The following CACNA1I variants were observed in gnomAD, a reference collection of about 807,000 sequenced individuals.
CACNA1I encodes calcium voltage-gated channel subunit alpha1 I.
CACNA1I carries 74 observed loss-of-function variants against 201.6 expected under a neutral mutation model. The ratio of observed to expected loss-of-function variants is 0.37; its 90% CI spans 0.30 to 0.45. CACNA1I has a LOEUF of 0.45. CACNA1I is among the 20% of genes least tolerant of loss of function. CACNA1I has a pLI of 1.00. For synonymous variants in CACNA1I, 1,431 were observed against 1,345.2 expected, an observed-to-expected ratio of 1.06 and a Z score of -1.40; for missense variants, 2,346 against 3,138.1, an observed-to-expected ratio of 0.75 and a Z score of 6.03.
chr22:39,611,694 A>G (rs901088715), intron 3 of CACNA1I, among the ~76,000 whole-genome samples: 5 of 152,188 alleles, frequency 3.3e-5, no homozygotes, highest in African/African-American at 1.2e-4. Context: ...GGAAGCTTCT[A>G]TTTATCTGGC....
Position 39,660,057 on chromosome 22 carries a change from C to G in CACNA1I, c.2604+205C>G, listed in dbSNP as rs35804062. Reference sequence around the variant, plus strand: ...ACTGCGTCTGCCATCCCTGCTCCCCCCCAGGGATGTAGGACTAGGCTTCTC... The same window carrying G: ...ACTGCGTCTGCCATCCCTGCTCCCCGCCAGGGATGTAGGACTAGGCTTCTC... On this transcript the variant is annotated intron_variant, in intron 14 of 36. Transcript: ENST00000402142. Among the ~76,000 whole-genome samples the G allele has an allele frequency of 8.3e-4, 127 of 152,278 alleles. 1 individual carries two copies. The South Asian group carries it at 8.9e-3, about 11-fold the overall frequency.
chr22:39,627,346 G>C (rs895317269), intron 4 of CACNA1I, among the ~76,000 whole-genome samples: 2 of 152,224 alleles, frequency 1.3e-5, no homozygotes, highest in Non-Finnish European at 2.9e-5. Flanking sequence ...CGAGGCAGGC[G>C]GGGGGCCAGG....
chr22:39,599,251 G>A (rs913170799), intron 2 of CACNA1I, among the ~76,000 whole-genome samples: 1 of 149,352 alleles, frequency 6.7e-6, no homozygotes, highest in Admixed American at 6.6e-5. Flanking sequence ...CCCAGCCTCT[G>A]CCTCTTGGGT....
chr22:39,591,158 CTT>C (rs132581), intron 1 of CACNA1I, among the ~76,000 whole-genome samples: 90 of 129,446 alleles, frequency 7.0e-4, no homozygotes, highest in Non-Finnish European at 7.1e-4. Context: ...GGCCTGGATT[CTT>C]TTTTTTTTTT....
In CACNA1I at chr22:39,666,022, C is replaced by T; in HGVS notation, c.4104+16C>T. ...CCTGGGCCAGGTGAGCACCACCGTCCTAGCCCTGATCAGACCCTCCCCTCT... is the reference window on the plus strand; with the variant it reads ...CCTGGGCCAGGTGAGCACCACCGTCTTAGCCCTGATCAGACCCTCCCCTCT... On this transcript the variant is annotated intron_variant, in intron 23 of 36. Transcript: ENST00000402142. This position sits in a 1 kb window ranked among gnomAD's most constrained non-coding sequence, Gnocchi z 4.1. The T allele has an allele frequency of 1.2e-6, 2 of 1,611,686 alleles. No individual in the cohort carries two copies. The highest frequency in any genetic ancestry group is 1.1e-5 in the South Asian group (1 of 90,854).
At chr22:39,607,143 C>T (rs1182852036) in intron 3 of CACNA1I, among the ~76,000 whole-genome samples, 1 of 152,182 alleles carries the variant, frequency 6.6e-6, no homozygotes, top group Admixed American at 6.5e-5. Flanking sequence ...TTGCCAAGGA[C>T]ATGGCTGATG....
At chr22:39,588,081 A>T (rs132577) in intron 1 of CACNA1I, among the ~76,000 whole-genome samples, 139,673 of 150,816 alleles carry the variant, frequency 0.93, 64,879 homozygotes, top group Middle Eastern at 0.96. Context: ...CTGATTGTGG[A>T]TTTTTAATAG....
rs1220436758 is a variant in CACNA1I at position 39,665,923 on chromosome 22, C to A, written c.4021C>A (p.Arg1341Ser). ...KFYHCLGVDT[R>S]NITNRSDCMA... The stretch of plus-strand genomic sequence containing the variant: ...CTACCACTGTCTGGGCGTGGACACC[C>A]GCAACATCACCAACCGCTCGGACTG... Residue 1341 changes from arginine to serine, a missense_variant, in exon 23 of 37, where the codon CGC (arginine) becomes AGC (serine). Arg to Ser is a moderately radical substitution (Grantham distance 110). Around this residue, in one of 13 missense-constraint regions of CACNA1I, gnomAD observed 228 missense variants for 395.7 expected, o/e 0.58. Coordinates refer to ENST00000402142, the MANE Select transcript of CACNA1I (RefSeq NM_021096.4). The surrounding 1 kb of genome is among the most constrained non-coding windows in gnomAD (Gnocchi z 5.5). The A allele has an allele frequency of 1.9e-6, 3 of 1,613,694 alleles. No homozygotes were observed. The highest frequency in any genetic ancestry group is 2.2e-5 in the East Asian group (1 of 44,892).
chr22:39,579,943 C>T (rs2145803591), intron 1 of CACNA1I, among the ~76,000 whole-genome samples: 1 of 152,328 alleles, frequency 6.6e-6, no homozygotes, highest in South Asian at 2.1e-4. Context: ...GCCACCATGC[C>T]CAGCCTCTTT....
intron 23 of CACNA1I, among the ~76,000 whole-genome samples, chr22:39,667,159 T>C (rs960083616): frequency 1.3e-5 from 2 of 152,226 alleles, no homozygotes; most frequent in African/African-American, 4.8e-5. Context: ...AGTGTCCTCA[T>C]TTGTCAACAG....
chr22:39,641,000 G>A lies in CACNA1I; in HGVS notation c.874G>A (p.Glu292Lys). The part of the protein sequence containing the change: ...EIPPLKEQGR[E>K]CCLSKDDVYD... ...CCCCCCGCTCAAGGAGCAGGGCCGT[G>A]AGTGCTGCCTGTCCAAGGACGACGT... The change falls in exon 6 of 37, where the codon GAG becomes AAG. Residue 292 changes from glutamate (E) to lysine (K), a missense_variant. This residue lies in a region of CACNA1I where 227 missense variants were observed against 412.5 expected (regional missense o/e 0.55). Coordinates refer to ENST00000402142, the MANE Select transcript of CACNA1I (RefSeq NM_021096.4). 6.2e-7 allele frequency: 1 copy of A among 1,614,054 alleles called. No individual in the cohort carries two copies. Among genetic ancestry groups the A allele is most frequent in the Non-Finnish European group, 8.5e-7 (1 of 1,179,912 alleles).
Position 39,679,122 on chromosome 22 carries a change from TGCAC to T in CACNA1I, c.5072_5075del (p.Cys1691SerfsTer8). ...TGCCACGCAGGACACGCTGCGGGAC[TGCAC>T]CCACGACGAGCGCAGCTGCCTGAGC... On this transcript the variant is annotated frameshift_variant, in exon 32 of 37. Coordinates refer to ENST00000402142, the MANE Select transcript of CACNA1I (RefSeq NM_021096.4). LOFTEE classifies it high-confidence loss of function. 1 of 1,593,864 alleles carries T rather than the reference TGCAC, an allele frequency of 6.3e-7. No individual in the cohort carries two copies. Among genetic ancestry groups the T allele is most frequent in the Non-Finnish European group, 8.5e-7 (1 of 1,171,226 alleles).
At position 39,649,761 on chromosome 22, in the gene CACNA1I, G is replaced by A. The variant is rs2146431059; in HGVS notation, c.1828G>A (p.Glu610Lys). 1 of 1,597,784 alleles carries A rather than the reference G, an allele frequency of 6.3e-7. No individual in the cohort carries two copies. The change falls in exon 10 of 37, where the codon GAG becomes AAG. Residue 610 changes from glutamate (E) to lysine (K), a missense_variant. Glu to Lys is a moderately conservative substitution (Grantham distance 56). Around this residue, in one of 13 missense-constraint regions of CACNA1I, gnomAD observed 312 missense variants for 331.5 expected, o/e 0.94. Coordinates refer to ENST00000402142, the MANE Select transcript of CACNA1I (RefSeq NM_021096.4). This position sits in a 1 kb window ranked among gnomAD's most constrained non-coding sequence, Gnocchi z 7.3. Reference sequence around the variant, plus strand: ...CTCCTCAGAACTGGGGAAGGAGGAGGAGGAGGAGGAGCAGGCGGATGGGGC... The same window carrying A: ...CTCCTCAGAACTGGGGAAGGAGGAGAAGGAGGAGGAGCAGGCGGATGGGGC... The part of the protein sequence containing the change: ...GASSELGKEE[E>K]EEEQADGAVW...
At chr22:39,585,726 A>AAT (rs1439172512) in intron 1 of CACNA1I, among the ~76,000 whole-genome samples, 18 of 68,356 alleles carry the variant, frequency 2.6e-4, no homozygotes, top group Middle Eastern at 0.012. Context: ...AAACTTTTAA[A>AAT]GTTTTTTTTT....
chr22:39,624,145 C>T (rs745327789), intron 4 of CACNA1I, among the ~76,000 whole-genome samples: 35 of 144,272 alleles, frequency 2.4e-4, no homozygotes, highest in Non-Finnish European at 1.8e-4. Context: ...GTGTGTGTAG[C>T]GAGCATGTGT....
chr22:39,673,845 C>A, intron 28 of CACNA1I, 118 bp from the exon 29 acceptor site: 1 of 868,592 alleles, frequency 1.2e-6, no homozygotes, highest in Non-Finnish European at 1.8e-6. Flanking sequence ...GAGCCAGACT[C>A]TGCTTGCACG....
intron 4 of CACNA1I, among the ~76,000 whole-genome samples, chr22:39,620,881 A>G (rs1933724677): frequency 6.6e-6 from 1 of 151,932 alleles, no homozygotes; most frequent in African/African-American, 2.4e-5. Flanking sequence ...TCTCACCCTC[A>G]TGAGTAGCTG....
rs749989981 is a variant in CACNA1I, at chr22:39,659,744, C to T, written c.2496C>T (p.Ala832=). Residue 832 remains alanine, a synonymous_variant, in exon 14 of 37, where the codon GCC becomes GCT. Transcript: ENST00000402142. This position sits in a 1 kb window ranked among gnomAD's most constrained non-coding sequence, Gnocchi z 4.3. ...ACGTCGTTCTCTACAATGGCATGGC[C>T]TCCACTTCTCCCTGGGCCTCCCTCT... The part of the protein sequence containing the change: ...DWNVVLYNGM[A]STSPWASLYF... The T allele has an allele frequency of 6.2e-6, 10 of 1,613,932 alleles. No individual in the cohort carries two copies. In the South Asian group the frequency reaches 1.1e-4, roughly 18 times the overall value.
chr22:39,627,449 AG>A (rs1184113788), intron 4 of CACNA1I, among the ~76,000 whole-genome samples: 4 of 152,202 alleles, frequency 2.6e-5, no homozygotes, highest in African/African-American at 9.6e-5. Context: ...CATCTCTGAA[AG>A]GGGGCCGGGC....
Sources: gnomAD v4.1 joint callset for allele counts (sites outside exome capture counted in the v4.1 genomes callset) on GRCh38, gnomAD v4.1.1 for gene constraint, gnomAD v4.1.1 regional missense constraint, Gnocchi (gnomAD v3.1) non-coding constraint, MANE v1.5 for transcripts, NCBI Gene and HGNC (gene_info 2026-07-23, HGNC 2026-07-21) for gene names.